TXNDC11: variants seen among roughly 807,000 people sequenced by gnomAD.
The protein encoded by TXNDC11 is thioredoxin domain-containing protein 11.
TXNDC11 carries 68 observed loss-of-function variants against 78.0 expected under a neutral mutation model. The ratio of observed to expected loss-of-function variants is 0.87; its 90% CI spans 0.72 to 1.07. The LOEUF (loss-of-function observed/expected upper bound fraction) is 1.07. TXNDC11 is among the 50% of genes least tolerant of loss of function. The pLI is 0.00. For missense variants in TXNDC11, 1,389 were observed against 1,221.8 expected, an observed-to-expected ratio of 1.14 and a Z score of -2.04; for synonymous variants, 571 against 495.2, an observed-to-expected ratio of 1.15 and a Z score of -2.03.
At chr16:11,730,801 T>A (rs1162716659) in intron 3 of TXNDC11, 27 bp from the exon 4 acceptor site, 59 of 1,444,186 alleles carry the variant, frequency 4.1e-5, no homozygotes, top group Non-Finnish European at 5.2e-5. Flanking sequence ...AAAATAAAAA[T>A]AAAAATAATA....
At chr16:11,706,106 C>T (rs908328620) in intron 5 of TXNDC11, among the ~76,000 whole-genome samples, 2 of 151,910 alleles carry the variant, frequency 1.3e-5, no homozygotes, top group Non-Finnish European at 2.9e-5. Flanking sequence ...GTATCCCATT[C>T]GATTAAAAAA....
intron 5 of TXNDC11, among the ~76,000 whole-genome samples, chr16:11,703,387 A>C (rs1473850613): frequency 6.6e-6 from 1 of 152,202 alleles, no homozygotes; most frequent in African/African-American, 2.4e-5. Flanking sequence ...CATTATACAT[A>C]ATTACAGCCA....
intron 7 of TXNDC11, among the ~76,000 whole-genome samples, chr16:11,694,158 G>A (rs568742886): frequency 2.3e-5 from 3 of 128,566 alleles, no homozygotes; most frequent in Admixed American, 9.1e-5. Flanking sequence ...TGCCCAGGCC[G>A]GAGTACAATG....
At chr16:11,705,877 C>A (rs1376024748) in intron 5 of TXNDC11, among the ~76,000 whole-genome samples, 1 of 152,198 alleles carries the variant, frequency 6.6e-6, no homozygotes, top group Non-Finnish European at 1.5e-5. Context: ...ACACAAAAAA[C>A]CAGCATGTCA....
At chr16:11,704,038 G>A (rs1311462162) in intron 5 of TXNDC11, among the ~76,000 whole-genome samples, 1 of 152,202 alleles carries the variant, frequency 6.6e-6, no homozygotes, top group Non-Finnish European at 1.5e-5. Context: ...GTTGCAGTGA[G>A]CCGAGATTTT....
chr16:11,691,224 T>C, intron 8 of TXNDC11, 66 bp downstream of exon 8: 3 of 1,366,594 alleles, frequency 2.2e-6, no homozygotes, highest in Admixed American at 2.2e-5. Context: ...GAGCCATCAA[T>C]AAAATTTACC....
chr16:11,708,030 G>A (rs1389015264), intron 5 of TXNDC11, among the ~76,000 whole-genome samples: 1 of 152,110 alleles, frequency 6.6e-6, no homozygotes, highest in Non-Finnish European at 1.5e-5. Flanking sequence ...GCCGCAGTGA[G>A]CTATAATTGC....
chr16:11,697,676 T>C (rs2050894745), intron 7 of TXNDC11, among the ~76,000 whole-genome samples: 1 of 152,296 alleles, frequency 6.6e-6, no homozygotes, highest in African/African-American at 2.4e-5. Flanking sequence ...TGCTGCTCGC[T>C]CTCCTCTGCT....
chr16:11,684,189 G>A lies in TXNDC11; in HGVS notation c.2210C>T (p.Thr737Ile), dbSNP rs139961951. ...CCTGTTGCAGGGAAAAAACAAGACA[G>A]TAGGAAGACGATCGACCATAAATTC... is the stretch of plus-strand genomic sequence containing the variant. ...PWEFMVDRLP[T>I]VLFFPCNRKD... The change falls in exon 11 of 12, where the codon ACT becomes ATT. Residue 737 changes from threonine to isoleucine, a missense_variant. Coordinates refer to ENST00000283033, the MANE Select transcript of TXNDC11 (RefSeq NM_015914.7). 1.1e-5 allele frequency: 17 copies of A among 1,613,802 alleles called. No individual in the cohort carries two copies. Among genetic ancestry groups the A allele is most frequent in the African/African-American group, 6.7e-5 (5 of 74,908 alleles).
At chr16:11,709,657 G>A (rs547602906) in intron 5 of TXNDC11, among the ~76,000 whole-genome samples, 187 of 151,544 alleles carry the variant, frequency 1.2e-3, no homozygotes, top group Non-Finnish European at 2.4e-3. Context: ...GGATGGTCTC[G>A]ATCTCCTGAC....
At chr16:11,722,024 T>C (rs1276232118) in intron 4 of TXNDC11, among the ~76,000 whole-genome samples, 1 of 152,252 alleles carries the variant, frequency 6.6e-6, no homozygotes, top group Non-Finnish European at 1.5e-5. Flanking sequence ...CAGTAAGTTA[T>C]GTCCTCAATC....
At chr16:11,742,364 C>G in intron 1 of TXNDC11, 113 bp downstream of exon 1, 1 of 864,856 alleles carries the variant, frequency 1.2e-6, no homozygotes, top group Non-Finnish European at 1.6e-6. Context: ...CCGTCCTGGG[C>G]AAGGTCAGGC....
At chr16:11,731,790 G>A (rs1352575205) in intron 3 of TXNDC11, among the ~76,000 whole-genome samples, 1 of 152,004 alleles carries the variant, frequency 6.6e-6, no homozygotes, top group Non-Finnish European at 1.5e-5. Flanking sequence ...GAAAAAAAGT[G>A]AAAAACAGCG....
At chr16:11,693,459 G>GT (rs749956676) in intron 7 of TXNDC11, among the ~76,000 whole-genome samples, 1 of 150,918 alleles carries the variant, frequency 6.6e-6, no homozygotes, top group Middle Eastern at 3.2e-3. Context: ...TTGTTTCGCT[G>GT]TGTGTGTGTG....
intron 7 of TXNDC11, among the ~76,000 whole-genome samples, chr16:11,695,629 T>C (rs943192729): frequency 1.8e-4 from 27 of 152,168 alleles, no homozygotes; most frequent in Non-Finnish European, 3.1e-4. Flanking sequence ...CCTCCACCTC[T>C]ACCACCCAAG....
chr16:11,707,597 C>A (rs904392378), intron 5 of TXNDC11, among the ~76,000 whole-genome samples: 1 of 151,712 alleles, frequency 6.6e-6, no homozygotes, highest in African/African-American at 2.4e-5. Context: ...TGCAGGCGTG[C>A]ACCACCATGC....
At chr16:11,701,088 T>A (rs556254930) in intron 5 of TXNDC11, among the ~76,000 whole-genome samples, 5 of 151,348 alleles carry the variant, frequency 3.3e-5, no homozygotes, top group African/African-American at 1.2e-4. Context: ...ATTTGCATAA[T>A]CTCATTCATT....
intron 5 of TXNDC11, 37 bp downstream of exon 5, chr16:11,721,540 C>G: frequency 8.6e-7 from 1 of 1,163,582 alleles, no homozygotes; most frequent in Non-Finnish European, 1.3e-6. Context: ...AACAATTCTA[C>G]TGAAGTAACA....
At chr16:11,725,587 G>A (rs916976713) in intron 4 of TXNDC11, among the ~76,000 whole-genome samples, 2 of 152,158 alleles carry the variant, frequency 1.3e-5, no homozygotes, top group Non-Finnish European at 2.9e-5. Flanking sequence ...TCTCCATGTA[G>A]GTAAATCACA....
Sources: allele counts gnomAD v4.1 joint callset (sites outside exome capture counted in the v4.1 genomes callset), GRCh38; gene constraint gnomAD v4.1.1; transcripts MANE v1.5; gene names NCBI Gene and HGNC (gene_info 2026-07-23, HGNC 2026-07-21).